The following DCC variants were observed in gnomAD, a reference collection of about 807,000 sequenced individuals.
DCC encodes the protein netrin receptor DCC.
Under a neutral mutation model 172.5 loss-of-function variants are expected in DCC, and 58 were observed. The observed-to-expected ratio is 0.34, with a 90% confidence interval of 0.27 to 0.42. DCC has a LOEUF of 0.42. Ranked by LOEUF, DCC falls within the 10% of genes least tolerant of loss-of-function variation. The pLI, the probability that DCC is intolerant of heterozygous loss-of-function variation, is 1.00. For missense variants in DCC, 1,740 were observed against 1,791.0 expected (o/e 0.97, Z 0.51); for synonymous variants, 709 against 644.5 (o/e 1.10, Z -1.52).
At chr18:52,655,199 T>C (rs769088975) in intron 1 of DCC, among the ~76,000 whole-genome samples, 4 of 152,264 alleles carry the variant, frequency 2.6e-5, no homozygotes, top group Non-Finnish European at 5.9e-5. Flanking sequence ...TCAAGCACAG[T>C]TGTTGTTGAT....
intron 5 of DCC, among the ~76,000 whole-genome samples, chr18:52,960,145 G>A (rs552773957): frequency 3.3e-5 from 5 of 152,090 alleles, no homozygotes; most frequent in Admixed American, 2.0e-4. Flanking sequence ...CCTGGAGCTC[G>A]AAATTTCCCT....
chr18:52,900,251 A>G lies in DCC; in HGVS notation c.413-5793A>G, dbSNP rs2039791325. ...TCTTCCTTGCATGGGTAGTTAATAA[A>G]TGTTCTAGGAACAAATTGGGGTTAC... On this transcript the variant is annotated intron_variant, in intron 2 of 28. Transcript: ENST00000442544. Among the ~76,000 whole-genome samples, 5 of 152,346 alleles carry G rather than the reference A, an allele frequency of 3.3e-5. 2 individuals carry two copies. In the Middle Eastern group the frequency reaches 0.017, roughly 518 times the overall value.
chr18:53,303,379 C>A (rs1014478209), intron 12 of DCC, among the ~76,000 whole-genome samples: 8 of 152,114 alleles, frequency 5.3e-5, no homozygotes, highest in African/African-American at 1.9e-4. Flanking sequence ...CTTTGCATTA[C>A]TGATGTTTCC....
At chr18:53,388,671 A>G (rs1280927919) in intron 16 of DCC, among the ~76,000 whole-genome samples, 1 of 152,234 alleles carries the variant, frequency 6.6e-6, no homozygotes, top group Non-Finnish European at 1.5e-5. Context: ...TGGAGAAGGA[A>G]AGAAGATGAA....
intron 2 of DCC, among the ~76,000 whole-genome samples, chr18:52,804,712 T>C (rs2038056313): frequency 6.6e-6 from 1 of 152,132 alleles, no homozygotes; most frequent in South Asian, 2.1e-4. Context: ...GCCTCCTGAG[T>C]TGCTGGGATT....
chr18:53,436,772 T>A (rs1467292015), intron 22 of DCC, among the ~76,000 whole-genome samples: 1 of 152,190 alleles, frequency 6.6e-6, no homozygotes, highest in Non-Finnish European at 1.5e-5. Flanking sequence ...TATTAAAAAA[T>A]ACCCCAGATT....
intron 1 of DCC, among the ~76,000 whole-genome samples, chr18:52,541,233 C>T (rs2032438319): frequency 6.6e-6 from 1 of 152,144 alleles, no homozygotes; most frequent in Non-Finnish European, 1.5e-5. Context: ...TTCTTGGCCA[C>T]CTCACTCATA....
chr18:52,747,536 CAGG>C (rs1770625728), intron 1 of DCC, among the ~76,000 whole-genome samples: 3 of 152,128 alleles, frequency 2.0e-5, no homozygotes, highest in South Asian at 4.1e-4. Context: ...ATGCATTTTC[CAGG>C]AGGTCTACAC....
intron 1 of DCC, among the ~76,000 whole-genome samples, chr18:52,680,240 G>A (rs192930848): frequency 1.6e-4 from 25 of 152,214 alleles, no homozygotes; most frequent in Middle Eastern, 3.4e-3. Context: ...GCAGAGCATA[G>A]CGAGAGTGTT....
At chr18:53,194,725 C>T (rs2144521114) in intron 9 of DCC, among the ~76,000 whole-genome samples, 1 of 152,310 alleles carries the variant, frequency 6.6e-6, no homozygotes, top group Non-Finnish European at 1.5e-5. Flanking sequence ...TCACCTTGGC[C>T]TCCCAAAGTG....
At chr18:52,931,008 T>G (rs9953091) in intron 5 of DCC, among the ~76,000 whole-genome samples, 59,630 of 145,678 alleles carry the variant, frequency 0.41, 12,324 homozygotes, top group Non-Finnish European at 0.48. Context: ...TGGTCTTGGT[T>G]CTTTTTGTCT....
intron 7 of DCC, among the ~76,000 whole-genome samples, chr18:53,069,109 A>G (rs1302323054): frequency 1.3e-5 from 2 of 152,110 alleles, no homozygotes; most frequent in Non-Finnish European, 2.9e-5. Context: ...ATGGAAGTAC[A>G]GTAACACCAA....
intron 1 of DCC, among the ~76,000 whole-genome samples, chr18:52,664,763 G>A (rs535422698): frequency 3.3e-5 from 5 of 151,990 alleles, no homozygotes; most frequent in South Asian, 2.1e-4. Flanking sequence ...GAGCCACCGC[G>A]CCCGGCCCAG....
intron 1 of DCC, among the ~76,000 whole-genome samples, chr18:52,354,030 AAG>A (rs1471150314): frequency 4.6e-5 from 7 of 152,214 alleles, no homozygotes; most frequent in Non-Finnish European, 8.8e-5. Flanking sequence ...GAATTAAGGG[AAG>A]AGAGAGAACA....
intron 5 of DCC, among the ~76,000 whole-genome samples, chr18:53,013,812 C>A (rs776056332): frequency 2.0e-5 from 3 of 151,966 alleles, no homozygotes; most frequent in Non-Finnish European, 4.4e-5. Context: ...ACTCTTATTT[C>A]CTTGGGAATA....
intron 25 of DCC, among the ~76,000 whole-genome samples, chr18:53,472,399 T>C (rs1420483719): frequency 2.0e-5 from 3 of 152,190 alleles, no homozygotes; most frequent in Admixed American, 6.5e-5. Context: ...TTATCTTTTA[T>C]ACCTTTCACT....
chr18:53,049,495 AG>A (rs1161607148), intron 5 of DCC, among the ~76,000 whole-genome samples: 1 of 151,854 alleles, frequency 6.6e-6, no homozygotes, highest in Non-Finnish European at 1.5e-5. Flanking sequence ...ACTGGTGGTA[AG>A]TATGCAGCAT....
chr18:52,681,796 C>T (rs1007535708), intron 1 of DCC, among the ~76,000 whole-genome samples: 2 of 152,114 alleles, frequency 1.3e-5, no homozygotes, highest in African/African-American at 2.4e-5. Context: ...TGAGGAGACC[C>T]TCTGTGCCAT....
intron 27 of DCC, among the ~76,000 whole-genome samples, chr18:53,525,292 G>C (rs955780281): frequency 6.6e-6 from 1 of 152,034 alleles, no homozygotes; most frequent in South Asian, 2.1e-4. Flanking sequence ...CATAGATCTA[G>C]ACTTTTGTAG....
Sources: allele counts gnomAD v4.1 joint callset (sites outside exome capture counted in the v4.1 genomes callset), GRCh38; gene constraint gnomAD v4.1.1; transcripts MANE v1.5; gene names NCBI Gene and HGNC (gene_info 2026-07-23, HGNC 2026-07-21).